FCHSD2: variants seen among roughly 807,000 people sequenced by gnomAD.
FCHSD2 encodes F-BAR and double SH3 domains protein 2.
Under a neutral mutation model 108.1 loss-of-function variants are expected in FCHSD2, and 38 were observed. The observed-to-expected ratio is 0.35, with a 90% CI of 0.27 to 0.46. The LOEUF (loss-of-function observed/expected upper bound fraction) is 0.46, where lower values mean the gene tolerates loss of function less well. Among genes scored for constraint, FCHSD2 ranks in the 20% least tolerant of loss-of-function variants. The pLI is 1.00. For missense variants in FCHSD2, 751 were observed against 897.8 expected (o/e 0.84, Z 2.09); for synonymous variants, 279 against 314.7 (o/e 0.89, Z 1.20).
intron 8 of FCHSD2, among the ~76,000 whole-genome samples, chr11:72,940,070 T>C (rs1371758485): frequency 6.6e-6 from 1 of 152,172 alleles, no homozygotes; most frequent in Non-Finnish European, 1.5e-5. Flanking sequence ...AAATCAAAAT[T>C]GAAAAGGCAT....
chr11:72,988,892 T>G (rs549207005), intron 6 of FCHSD2, 72 bp downstream of exon 6: 1 of 1,351,416 alleles, frequency 7.4e-7, no homozygotes, highest in Non-Finnish European at 1.0e-6. Context: ...TCACTACTAA[T>G]AGAGAACAAA....
At chr11:72,876,580 T>C (rs1428911084) in intron 12 of FCHSD2, among the ~76,000 whole-genome samples, 2 of 152,240 alleles carry the variant, frequency 1.3e-5, no homozygotes, top group African/African-American at 4.8e-5. Context: ...GAAACAGGTT[T>C]ATGGTCCAGT....
intron 13 of FCHSD2, among the ~76,000 whole-genome samples, chr11:72,855,684 T>C (rs1861410765): frequency 6.6e-6 from 1 of 152,188 alleles, no homozygotes; most frequent in Non-Finnish European, 1.5e-5. Flanking sequence ...TTACCCATCA[T>C]AGCTAAAAGG....
chr11:73,126,332 T>A (rs1312850278), intron 2 of FCHSD2, among the ~76,000 whole-genome samples: 1 of 53,316 alleles, frequency 1.9e-5, no homozygotes, highest in Non-Finnish European at 3.6e-5. Context: ...AGGGCAAGAT[T>A]CCATCTTAAA....
At chr11:72,876,735 T>C (rs2135223992) in intron 12 of FCHSD2, among the ~76,000 whole-genome samples, 1 of 152,328 alleles carries the variant, frequency 6.6e-6, no homozygotes, top group South Asian at 2.1e-4. Flanking sequence ...TCTATATTCT[T>C]GTTCTATCAA....
At chr11:72,841,074 G>A (rs554558413) in intron 18 of FCHSD2, 115 bp from the exon 19 acceptor site, 13 of 767,146 alleles carry the variant, frequency 1.7e-5, no homozygotes, top group South Asian at 3.0e-5. Flanking sequence ...ATACTGAGGC[G>A]GGAGGATTAC....
chr11:72,984,162 A>T lies in FCHSD2; in HGVS notation c.631T>A (p.Tyr211Asn). 6.2e-7 allele frequency: 1 copy of T among 1,613,486 alleles called. No individual in the cohort carries two copies. The highest frequency in any genetic ancestry group is 8.5e-7 in the Non-Finnish European group (1 of 1,179,404). Reference protein sequence around the residue: ...NSKATHARNDYLLTLAAANAH... With the variant: ...NSKATHARNDNLLTLAAANAH... ...TTTGCTGCCGCTAGGGTAAGAAGAT[A>T]ATCATTCCTTGCGTGGGTAGCTTTG... Residue 211 changes from tyrosine to asparagine, a missense_variant, in exon 8 of 20, where the codon TAT becomes AAT. By Grantham distance (143) the Tyr-to-Asn change is moderately radical. Transcript: ENST00000409418.
At chr11:73,064,099 G>T (rs1859232114) in intron 3 of FCHSD2, among the ~76,000 whole-genome samples, 1 of 152,116 alleles carries the variant, frequency 6.6e-6, no homozygotes, top group Non-Finnish European at 1.5e-5. Context: ...TCAGGCCACA[G>T]TGCAATCAAA....
intron 3 of FCHSD2, among the ~76,000 whole-genome samples, chr11:73,068,122 G>A (rs1049442594): frequency 5.9e-5 from 9 of 151,972 alleles, no homozygotes; most frequent in Admixed American, 2.6e-4. Context: ...CAGGTCCCTC[G>A]CACAACACAT....
chr11:73,012,969 A>C (rs1399766660), intron 4 of FCHSD2, among the ~76,000 whole-genome samples: 1 of 152,208 alleles, frequency 6.6e-6, no homozygotes, highest in Non-Finnish European at 1.5e-5. Flanking sequence ...ATGATGAGGA[A>C]TTAAATTCCT....
intron 5 of FCHSD2, among the ~76,000 whole-genome samples, chr11:72,991,939 G>A (rs539302097): frequency 5.1e-4 from 78 of 152,158 alleles, no homozygotes; most frequent in Non-Finnish European, 2.6e-4. Context: ...GGAAATAAAG[G>A]GTATTCAATT....
At chr11:72,940,657 A>G (rs1591418395) in intron 8 of FCHSD2, 2 of 1,329,040 alleles carry the variant, frequency 1.5e-6, no homozygotes, top group East Asian at 4.6e-5. Context: ...ACCAGGCTGC[A>G]AGGCCAAGCA....
intron 3 of FCHSD2, among the ~76,000 whole-genome samples, chr11:73,027,945 G>C (rs1020359618): frequency 1.3e-5 from 2 of 152,268 alleles, no homozygotes; most frequent in Non-Finnish European, 2.9e-5. Context: ...GATAAGAACT[G>C]ATGTTTGGAA....
intron 2 of FCHSD2, among the ~76,000 whole-genome samples, chr11:73,104,343 T>G (rs1474587381): frequency 6.6e-6 from 1 of 152,220 alleles, no homozygotes; most frequent in Non-Finnish European, 1.5e-5. Context: ...CTCAGCTCAC[T>G]GCAACCTCTG....
chr11:72,921,459 C>T (rs747530320), intron 9 of FCHSD2, among the ~76,000 whole-genome samples: 2 of 152,166 alleles, frequency 1.3e-5, no homozygotes, highest in Admixed American at 6.6e-5. Flanking sequence ...CTTTTCCCTT[C>T]GTGCTCTTTT....
At chr11:73,015,634 T>C (rs1226616813) in intron 4 of FCHSD2, among the ~76,000 whole-genome samples, 175 bp downstream of exon 4, 1 of 152,186 alleles carries the variant, frequency 6.6e-6, no homozygotes, top group Non-Finnish European at 1.5e-5. Context: ...CAATCTATTT[T>C]AGATTATTTA....
chr11:73,141,032 G>A (rs918252615), intron 1 of FCHSD2, among the ~76,000 whole-genome samples: 1 of 152,210 alleles, frequency 6.6e-6, no homozygotes, highest in Non-Finnish European at 1.5e-5. Flanking sequence ...AGGACAGAAC[G>A]GCCTCATCCA....
intron 8 of FCHSD2, among the ~76,000 whole-genome samples, chr11:72,933,150 AG>A (rs765426546): frequency 6.6e-6 from 1 of 152,168 alleles, no homozygotes; most frequent in Non-Finnish European, 1.5e-5. Flanking sequence ...CAGGGTAGGC[AG>A]ATATGCAAGA....
At chr11:72,867,810 T>G in intron 13 of FCHSD2, 55 bp downstream of exon 13, 1 of 1,526,384 alleles carries the variant, frequency 6.6e-7, no homozygotes, top group Non-Finnish European at 8.9e-7. Context: ...GACTACAGAG[T>G]CAAAGCATGC....
Sources: gnomAD v4.1 joint callset for allele counts (sites outside exome capture counted in the v4.1 genomes callset) on GRCh38, gnomAD v4.1.1 for gene constraint, MANE v1.5 for transcripts, NCBI Gene and HGNC (gene_info 2026-07-23, HGNC 2026-07-21) for gene names.